The following SLC23A3 variants were observed in gnomAD, a reference collection of about 807,000 sequenced individuals.
SLC23A3 encodes the protein solute carrier family 23 member 3.
A neutral mutation model predicts 64.7 loss-of-function variants in SLC23A3; 41 were observed. The ratio of observed to expected loss-of-function variants is 0.63; its 90% CI spans 0.49 to 0.82. The LOEUF (loss-of-function observed/expected upper bound fraction) is 0.82. Ranked by LOEUF, SLC23A3 falls within the 40% of genes least tolerant of loss-of-function variation. The pLI, the probability that SLC23A3 is intolerant of heterozygous loss-of-function variation, is 0.00. For synonymous variants in SLC23A3, 281 were observed against 306.8 expected, an observed-to-expected ratio of 0.92 and a Z score of 0.88; for missense variants, 647 against 733.4, an observed-to-expected ratio of 0.88 and a Z score of 1.36.
intron 9 of SLC23A3, 128 bp downstream of exon 9, chr2:219,164,105 T>TCCATCCATCCATCCAC: frequency 1.5e-6 from 1 of 653,222 alleles, no homozygotes; most frequent in African/African-American, 1.8e-5. Context: ...TATCCATCCA[T>TCCATCCATCCATCCAC]CCATCCATCC....
Position 219,162,392 on chromosome 2 carries a change from A to G in SLC23A3, c.1444T>C (p.Trp482Arg). 1.2e-6 allele frequency: 2 copies of G among 1,613,306 alleles called. No homozygotes were observed. The highest frequency in any genetic ancestry group is 1.7e-6 in the Non-Finnish European group (2 of 1,179,516). Residue 482 changes from tryptophan to arginine, a missense_variant and splice_region_variant, in exon 11 of 12, where the codon TGG becomes CGG. Physicochemically the swap from Trp to Arg is moderately radical, Grantham distance 101. Transcript: ENST00000409878. ...TGCAGTAATACATCCAAGGGGCTCC[A>G]GCCTATGAAGAGTTGGGGCCAGGCA... ...REAPVLFSTG[W>R]SPLDVLLHSL...
At chr2:219,168,978 C>G in intron 4 of SLC23A3, 51 bp downstream of exon 4, 1 of 1,579,686 alleles carries the variant, frequency 6.3e-7, no homozygotes, top group Middle Eastern at 1.7e-4. Context: ...AAACAAGAGC[C>G]CCCCCCAAGC....
In SLC23A3 at chr2:219,161,607, T is replaced by G. The variant is rs1949942277; in HGVS notation, c.*302A>C. 3.8e-6 allele frequency: 1 copy of G among 261,904 alleles called. No individual in the cohort carries two copies. Among genetic ancestry groups the G allele is most frequent in the Non-Finnish European group, 7.2e-6 (1 of 138,682 alleles). 16.2% of individuals were successfully genotyped at this position (261,904 alleles called of 1,614,324 possible). On this transcript the variant is annotated 3_prime_UTR_variant, in exon 12 of 12. Coordinates refer to ENST00000409878, the MANE Select transcript of SLC23A3 (RefSeq NM_001144889.2). ...TCTTATCCCTGTAGTTCCAGGACCT[T>G]GCACATGGGAGATGCTCAGTAAGTA...
rs1220723943 is a variant in SLC23A3, at chr2:219,169,411, A to G, written c.321-5T>C. The G allele has an allele frequency of 6.2e-7, 1 of 1,614,070 alleles. No individual in the cohort carries two copies. Among genetic ancestry groups the G allele is most frequent in the Non-Finnish European group, 8.5e-7 (1 of 1,180,030 alleles). ...GGAGCCTGGACAAGAGGCAGCCTGT[A>G]GGAACAGCAGCCCCAGCAGGTCTGG... On this transcript the variant is annotated splice_region_variant and splice_polypyrimidine_tract_variant and intron_variant, in intron 2 of 11. Coordinates refer to ENST00000409878, the MANE Select transcript of SLC23A3 (RefSeq NM_001144889.2). The surrounding 1 kb of genome is among the most constrained non-coding windows in gnomAD (Gnocchi z 4.5).
chr2:219,166,994 A>G (rs944173335), intron 7 of SLC23A3, among the ~76,000 whole-genome samples: 1 of 152,214 alleles, frequency 6.6e-6, no homozygotes, highest in African/African-American at 2.4e-5. Context: ...GTTCATCACT[A>G]TGTCCTCTAC....
rs140504444 is a variant in SLC23A3 at position 219,166,498 on chromosome 2, T to C, written c.914-1076A>G. ...AGGTGTGAGCCATGGTGCCTGGCTA[T>C]TTTATTTTATTTTATTTTATTTATT... On this transcript the variant is annotated intron_variant, in intron 7 of 11. Coordinates refer to ENST00000409878, the MANE Select transcript of SLC23A3 (RefSeq NM_001144889.2). Among the ~76,000 whole-genome samples the C allele has an allele frequency of 1.6e-3, 243 of 149,466 alleles. 1 individual carries two copies. The highest frequency in any genetic ancestry group is 5.6e-3 in the African/African-American group (228 of 41,080).
Position 219,163,421 on chromosome 2 carries a change from A to G in SLC23A3, c.1408T>C (p.Trp470Arg). Residue 470 changes from tryptophan (W) to arginine (R), a missense_variant, in exon 10 of 12, where the codon TGG becomes CGG. Trp to Arg is a moderately radical substitution (Grantham distance 101, BLOSUM62 -3). Transcript: ENST00000409878. ...SIFMALLLPR[W>R]FREAPVLFST... ...AACAGGACTGGGGCTTCCCGAAACC[A>G]TCTTGGCAGCAGCAAGGCCATGAAG... 6.2e-7 allele frequency: 1 copy of G among 1,614,216 alleles called. No individual in the cohort carries two copies. The highest frequency in any genetic ancestry group is 8.5e-7 in the Non-Finnish European group (1 of 1,180,040).
intron 11 of SLC23A3, 39 bp from the exon 12 acceptor site, chr2:219,162,243 G>C (rs779750948): frequency 1.1e-5 from 18 of 1,613,154 alleles, no homozygotes; most frequent in African/African-American, 2.7e-5. Context: ...GCCCATCCCA[G>C]GGAGGGATGG....
chr2:219,163,251 C>T, intron 10 of SLC23A3, 137 bp downstream of exon 10: 5 of 852,134 alleles, frequency 5.9e-6, no homozygotes, highest in South Asian at 3.3e-5. Context: ...GCATAGTGCT[C>T]AATAAATATC....
At chr2:219,167,120 A>ATGG (rs1313535021) in intron 7 of SLC23A3, among the ~76,000 whole-genome samples, 4 of 152,172 alleles carry the variant, frequency 2.6e-5, no homozygotes, top group Admixed American at 2.6e-4. Flanking sequence ...TTAGCCAGGC[A>ATGG]TGGTGGTGCA....
In SLC23A3 at chr2:219,162,367, T is replaced by G; in HGVS notation, c.1469A>C (p.His490Pro). The change falls in exon 11 of 12, where the codon CAC becomes CCC. Residue 490 changes from histidine to proline, a missense_variant. Transcript: ENST00000409878. ...GAAGATGGGCTGTGTCAGCAGTGAG[T>G]GCAGTAATACATCCAAGGGGCTCCA... The part of the protein sequence containing the change: ...TGWSPLDVLL[H>P]SLLTQPIFLA... The G allele has an allele frequency of 1.9e-6, 3 of 1,613,848 alleles. No homozygotes were observed. The highest frequency in any genetic ancestry group is 2.5e-6 in the Non-Finnish European group (3 of 1,179,934).
rs754105934 is a variant in SLC23A3, at chr2:219,162,200, T to C, written c.1542A>G (p.Thr514=). The change falls in exon 12 of 12, where the codon ACA becomes ACG. Residue 514 remains threonine, a synonymous_variant. Transcript: ENST00000409878. ...GFLLENTIPG[T]QLERGLGQGL... is the part of the protein sequence containing the mutation. ...CTTGACCTAGGCCTCGCTCAAGCTG[T>C]GTGCCTGCAAAAGAGAGGTTTGTCA... 2.5e-6 allele frequency: 4 copies of C among 1,610,696 alleles called. No individual in the cohort carries two copies. The South Asian group carries it at 3.3e-5, about 13-fold the overall frequency.
rs768506904 is a variant in SLC23A3, at chr2:219,169,507, G to A, written c.320+14C>T. ...CCAGGACTCTGCCCCTCTCTCCAGGGAGGTTCCTCTCACCTGCTGCCCATC... is the reference window on the plus strand; with the variant it reads ...CCAGGACTCTGCCCCTCTCTCCAGGAAGGTTCCTCTCACCTGCTGCCCATC... On this transcript the variant is annotated intron_variant, in intron 2 of 11. Transcript: ENST00000409878. This position sits in a 1 kb window ranked among gnomAD's most constrained non-coding sequence, Gnocchi z 4.5. 1 of 1,614,060 alleles carries A rather than the reference G, an allele frequency of 6.2e-7. No individual in the cohort carries two copies. The highest frequency in any genetic ancestry group is 1.7e-5 in the Admixed American group (1 of 60,018).
At chr2:219,164,981 C>T in intron 8 of SLC23A3, 188 bp downstream of exon 8, 1 of 715,580 alleles carries the variant, frequency 1.4e-6, no homozygotes, top group South Asian at 2.1e-5. Context: ...GCCTCATGCA[C>T]AGGAGTTCCG....
At chr2:219,167,781 TTGTC>T in intron 7 of SLC23A3, 145 bp downstream of exon 7, 1 of 645,818 alleles carries the variant, frequency 1.5e-6, no homozygotes. Flanking sequence ...GGGGCTAGCA[TTGTC>T]TGTCTCTCAG....
At chr2:219,163,361 G>T in intron 10 of SLC23A3, 27 bp downstream of exon 10, 1 of 1,607,826 alleles carries the variant, frequency 6.2e-7, no homozygotes, top group South Asian at 1.1e-5. Context: ...TCCTGCTACT[G>T]AGCAACGCCT....
rs374870397 is a variant in SLC23A3 at position 219,168,025 on chromosome 2, C to T, written c.818G>A (p.Cys273Tyr). ...CACAAAGGCAGAAACAATCCACACA[C>T]AGGCCACTGGGATCAGCACCTGAGG... ...RLLSVLIPVA[C>Y]VWIVSAFVGF... The change falls in exon 7 of 12, where the codon TGT (cysteine) becomes TAT (tyrosine). Residue 273 changes from cysteine (C) to tyrosine (Y), a missense_variant. Coordinates refer to ENST00000409878, the MANE Select transcript of SLC23A3 (RefSeq NM_001144889.2). The T allele has an allele frequency of 6.3e-7, 1 of 1,588,212 alleles. No individual in the cohort carries two copies. The highest frequency in any genetic ancestry group is 8.5e-7 in the Non-Finnish European group (1 of 1,171,666).
intron 9 of SLC23A3, among the ~76,000 whole-genome samples, 169 bp downstream of exon 9, chr2:219,164,064 G>A (rs146101386): frequency 2.5e-4 from 38 of 152,244 alleles, no homozygotes; most frequent in Middle Eastern, 3.4e-3. Context: ...CCAAAATGTT[G>A]GGCTGAGAAA....
chr2:219,165,114 C>T (rs1949991586), intron 8 of SLC23A3, 55 bp downstream of exon 8: 3 of 1,531,298 alleles, frequency 2.0e-6, no homozygotes. Context: ...AGTTCCTGTC[C>T]TTCTTCTTCC....
Sources: gnomAD v4.1 joint callset for allele counts (sites outside exome capture counted in the v4.1 genomes callset) on GRCh38, gnomAD v4.1.1 for gene constraint, Gnocchi (gnomAD v3.1) non-coding constraint, MANE v1.5 for transcripts, NCBI Gene and HGNC (gene_info 2026-07-23, HGNC 2026-07-21) for gene names.